Variants in ANGPT4 observed in about 807,000 individuals in gnomAD.
ANGPT4 encodes the protein angiopoietin-4.
In ANGPT4, 50 loss-of-function variants were observed where a neutral mutation model predicts 53.0. The ratio of observed to expected loss-of-function variants is 0.94; its 90% CI spans 0.75 to 1.20. The LOEUF (loss-of-function observed/expected upper bound fraction) is 1.20. Among genes scored for constraint, ANGPT4 ranks in the 50% most tolerant of loss-of-function variants. ANGPT4 has a pLI of 0.00. For synonymous variants in ANGPT4, 251 were observed against 259.7 expected, an observed-to-expected ratio of 0.97 and a Z score of 0.32; for missense variants, 648 against 637.1, an observed-to-expected ratio of 1.02 and a Z score of -0.18.
intron 5 of ANGPT4, 117 bp downstream of exon 5, chr20:881,054 C>T (rs1258471330): frequency 1.6e-5 from 13 of 813,540 alleles, no homozygotes; most frequent in Non-Finnish European, 2.4e-5. Flanking sequence ...CACCCCTACA[C>T]CTCTGGTATT....
chr20:907,666 G>T (rs1232441121), intron 1 of ANGPT4, among the ~76,000 whole-genome samples: 3 of 152,308 alleles, frequency 2.0e-5, no homozygotes, highest in Admixed American at 6.5e-5. Context: ...GCACAGAGAG[G>T]TTAAACAACT....
chr20:907,239 G>T (rs1425388305), intron 1 of ANGPT4, among the ~76,000 whole-genome samples: 1 of 152,138 alleles, frequency 6.6e-6, no homozygotes, highest in Non-Finnish European at 1.5e-5. Context: ...GAATATTTGG[G>T]ACTTCCCTGG....
In ANGPT4 at chr20:879,774, A is replaced by C; in HGVS notation, c.1026T>G (p.Phe342Leu). 1.1e-5 allele frequency: 17 copies of C among 1,613,756 alleles called. No individual in the cohort carries two copies. Among genetic ancestry groups the C allele is most frequent in the Non-Finnish European group, 1.4e-5 (17 of 1,179,788 alleles). The change falls in exon 6 of 9, where the codon TTT becomes TTG. Residue 342 changes from phenylalanine (F) to leucine (L), a missense_variant. Transcript: ENST00000381922. Reference protein sequence around the residue: ...IQRRENGTVNFQRNWKDYKQG... With the variant: ...IQRRENGTVNLQRNWKDYKQG... ...GTTTGTAATCCTTCCAGTTCCGCTG[A>C]AAATTCACGGTGCCATTCTCACGGC... is the stretch of plus-strand genomic sequence containing the variant.
rs8119262 is a variant in ANGPT4, at chr20:908,706, T to G, written c.309+7200A>C. Among the ~76,000 whole-genome samples the G allele has an allele frequency of 6.6e-6, 1 of 151,368 alleles. No individual in the cohort carries two copies. Among genetic ancestry groups the G allele is most frequent in the African/African-American group, 2.4e-5 (1 of 41,186 alleles). ...AACAGTGGTGGAAGGGACAATTAAA[T>G]GAATGCAGGAATGAATATTCTTACC... On this transcript the variant is annotated intron_variant, in intron 1 of 8. Transcript: ENST00000381922. The surrounding 1 kb of genome is among the most constrained non-coding windows in gnomAD (Gnocchi z 4.9).
At chr20:874,484 C>A in intron 7 of ANGPT4, 70 bp from the exon 8 acceptor site, 1 of 1,587,746 alleles carries the variant, frequency 6.3e-7, no homozygotes, top group Non-Finnish European at 8.6e-7. Flanking sequence ...CGAGCAAGAA[C>A]TTCCCCAGTG....
intron 3 of ANGPT4, 38 bp from the exon 4 acceptor site, chr20:885,363 C>T: frequency 6.6e-7 from 1 of 1,504,134 alleles, no homozygotes; most frequent in Non-Finnish European, 8.8e-7. Context: ...AGCCTGGCAT[C>T]CTCGCGAAGC....
rs1490299468 is a variant in ANGPT4, at chr20:911,784, C to T, written c.309+4122G>A. 6.6e-6 allele frequency among the ~76,000 whole-genome samples: 1 copy of T among 151,928 alleles called. No individual in the cohort carries two copies. Among genetic ancestry groups the T allele is most frequent in the Non-Finnish European group, 1.5e-5 (1 of 67,990 alleles). On this transcript the variant is annotated intron_variant, in intron 1 of 8. Coordinates refer to ENST00000381922, the MANE Select transcript of ANGPT4 (RefSeq NM_015985.4). The surrounding 1 kb of genome is among the most constrained non-coding windows in gnomAD (Gnocchi z 4.9). ...GAGCTGTGATTGCACCATTGCACCC[C>T]AGTGTGGTTGAGAGAGTCAGACCTT... is the stretch of plus-strand genomic sequence containing the variant.
intron 7 of ANGPT4, 48 bp from the exon 8 acceptor site, chr20:874,462 T>C: frequency 6.2e-7 from 1 of 1,608,372 alleles, no homozygotes; most frequent in Non-Finnish European, 8.5e-7. Flanking sequence ...CAGAGTCAGG[T>C]TGGGGCTGTG....
At chr20:876,672 G>A (rs537966774) in intron 7 of ANGPT4, among the ~76,000 whole-genome samples, 2 of 152,340 alleles carry the variant, frequency 1.3e-5, no homozygotes, top group African/African-American at 4.8e-5. Context: ...GGGAAGTAGG[G>A]ATGGAGTCGG....
intron 1 of ANGPT4, among the ~76,000 whole-genome samples, chr20:900,073 G>A (rs1365929027): frequency 6.6e-6 from 1 of 152,070 alleles, no homozygotes; most frequent in Middle Eastern, 3.4e-3. Flanking sequence ...CCATTCTATC[G>A]TCCTTTCATA....
intron 1 of ANGPT4, among the ~76,000 whole-genome samples, chr20:895,305 G>T (rs898825041): frequency 6.6e-6 from 1 of 152,202 alleles, no homozygotes; most frequent in African/African-American, 2.4e-5. Flanking sequence ...ACAAAGGCCT[G>T]ACCTTTTGTC....
intron 1 of ANGPT4, among the ~76,000 whole-genome samples, chr20:892,517 G>C (rs939256046): frequency 6.6e-6 from 1 of 151,726 alleles, no homozygotes; most frequent in Non-Finnish European, 1.5e-5. Flanking sequence ...GATCGCTGGA[G>C]CCTGGGAGGT....
At position 914,801 on chromosome 20, in the gene ANGPT4, C is replaced by T. The variant is rs6055818; in HGVS notation, c.309+1105G>A. ...CCCTCATGCCCCGCCAGGGCCAAGCCTGCTTTGCACACCTCTGTAGTCAGT... is the reference window on the plus strand; with the variant it reads ...CCCTCATGCCCCGCCAGGGCCAAGCTTGCTTTGCACACCTCTGTAGTCAGT... On this transcript the variant is annotated intron_variant, in intron 1 of 8. Transcript: ENST00000381922. This position sits in a 1 kb window ranked among gnomAD's most constrained non-coding sequence, Gnocchi z 5.0. Among the ~76,000 whole-genome samples, 1 of 152,156 alleles carries T rather than the reference C, an allele frequency of 6.6e-6. No homozygotes were observed. The highest frequency in any genetic ancestry group is 2.1e-4 in the South Asian group (1 of 4,830).
In ANGPT4 at chr20:878,214, C is replaced by T; in HGVS notation, c.1167G>A (p.Glu389=). The change falls in exon 7 of 9, where the codon GAG becomes GAA. Residue 389 remains glutamate, a synonymous_variant. Transcript: ENST00000381922. ...GGAAATGTTCGTACTGGGCATAGGCCTCGTGGCCTTCCCAGTCTTGCAGCT... is the reference window on the plus strand; with the variant it reads ...GGAAATGTTCGTACTGGGCATAGGCTTCGTGGCCTTCCCAGTCTTGCAGCT... ...RVELQDWEGH[E]AYAQYEHFHL... 1 of 1,612,710 alleles carries T rather than the reference C, an allele frequency of 6.2e-7. No individual in the cohort carries two copies. Among genetic ancestry groups the T allele is most frequent in the Non-Finnish European group, 8.5e-7 (1 of 1,178,796 alleles).
At chr20:884,493 C>T (rs1184067415) in intron 4 of ANGPT4, among the ~76,000 whole-genome samples, 1 of 152,166 alleles carries the variant, frequency 6.6e-6, no homozygotes, top group African/African-American at 2.4e-5. Context: ...CCAAGAATGC[C>T]TTGGACACCC....
chr20:903,130 G>A (rs1209116248), intron 1 of ANGPT4, among the ~76,000 whole-genome samples: 2 of 152,220 alleles, frequency 1.3e-5, no homozygotes, highest in Non-Finnish European at 2.9e-5. Flanking sequence ...TGCAGCCAGT[G>A]AGCCCAGAGG....
chr20:874,235 T>C, intron 8 of ANGPT4, 49 bp downstream of exon 8: 1 of 1,606,192 alleles, frequency 6.2e-7, no homozygotes, highest in South Asian at 1.1e-5. Context: ...GGAGTGTCAA[T>C]CTGGGTGAGC....
Position 874,526 on chromosome 20 carries a change from T to C in ANGPT4, c.1221-112A>G, listed in dbSNP as rs543634071. On this transcript the variant is annotated intron_variant, in intron 7 of 8. Transcript: ENST00000381922. ...TCCCAGGCTGGGCTTCCCCTCCAGGTGTTCTTGGAGGGACAGCCCCAGCCT... is the reference window on the plus strand; with the variant it reads ...TCCCAGGCTGGGCTTCCCCTCCAGGCGTTCTTGGAGGGACAGCCCCAGCCT... 2.1e-6 allele frequency: 3 copies of C among 1,443,296 alleles called. No homozygotes were observed. In the East Asian group the frequency reaches 7.0e-5, roughly 34 times the overall value. 89.4% of individuals were successfully genotyped at this position (1,443,296 alleles called of 1,614,324 possible). A position where few individuals can be genotyped will look rare whatever the true frequency, so the allele number is the denominator to read the frequency against.
In ANGPT4 at chr20:911,059, A is replaced by G; in HGVS notation, c.309+4847T>C. 6.6e-6 allele frequency among the ~76,000 whole-genome samples: 1 copy of G among 152,054 alleles called. No individual in the cohort carries two copies. Among genetic ancestry groups the G allele is most frequent in the South Asian group, 2.1e-4 (1 of 4,806 alleles). ...ACTCATTTCTTGTTTGGATAACTGA[A>G]GGCTGAAAATGCCAAGAATTTGTGG... On this transcript the variant is annotated intron_variant, in intron 1 of 8. Transcript: ENST00000381922. The surrounding 1 kb of genome is among the most constrained non-coding windows in gnomAD (Gnocchi z 4.9).
Sources: allele counts gnomAD v4.1 joint callset (sites outside exome capture counted in the v4.1 genomes callset), GRCh38; gene constraint gnomAD v4.1.1; non-coding constraint Gnocchi (gnomAD v3.1); transcripts MANE v1.5; gene names NCBI Gene and HGNC (gene_info 2026-07-23, HGNC 2026-07-21).